KSR2: variants seen among roughly 807,000 people sequenced by gnomAD.
KSR2 encodes the protein kinase suppressor of ras 2.
A neutral mutation model predicts 107.8 loss-of-function variants in KSR2; 25 were observed. The observed-to-expected ratio is 0.23, with a 90% CI of 0.17 to 0.32. KSR2 has a LOEUF of 0.32. KSR2 is among the 10% of genes least tolerant of loss of function. KSR2 has a pLI of 1.00. For synonymous variants in KSR2, 480 were observed against 507.0 expected (o/e 0.95, Z 0.71); for missense variants, 887 against 1,268.9 (o/e 0.70, Z 4.57).
At chr12:117,769,724 T>C (rs766996619) in intron 3 of KSR2, among the ~76,000 whole-genome samples, 5 of 152,206 alleles carry the variant, frequency 3.3e-5, no homozygotes, top group Non-Finnish European at 5.9e-5. Flanking sequence ...TACAGTGCTT[T>C]TCATTTTGAG....
At chr12:117,524,468 C>T (rs1373535763) in intron 14 of KSR2, among the ~76,000 whole-genome samples, 2 of 152,080 alleles carry the variant, frequency 1.3e-5, no homozygotes, top group East Asian at 3.9e-4. Context: ...GAGTTTGAGA[C>T]CATCCTGGGC....
chr12:117,650,595 T>C (rs1177996762), intron 5 of KSR2, among the ~76,000 whole-genome samples: 1 of 152,200 alleles, frequency 6.6e-6, no homozygotes, highest in African/African-American at 2.4e-5. Flanking sequence ...AGAACACTGA[T>C]AGTCCTTGGC....
chr12:117,934,218 A>G (rs1216780112), intron 1 of KSR2, among the ~76,000 whole-genome samples: 2 of 152,140 alleles, frequency 1.3e-5, no homozygotes, highest in African/African-American at 2.4e-5. Context: ...TGTTTGGAGA[A>G]CATCCCTGCT....
intron 1 of KSR2, among the ~76,000 whole-genome samples, chr12:117,958,054 A>T (rs1269099165): frequency 6.6e-6 from 1 of 152,126 alleles, no homozygotes; most frequent in East Asian, 1.9e-4. Flanking sequence ...GCTGGTCTTG[A>T]ACTCCTGGCC....
At chr12:117,753,296 A>G (rs1056202970) in intron 4 of KSR2, among the ~76,000 whole-genome samples, 2 of 152,186 alleles carry the variant, frequency 1.3e-5, no homozygotes, top group Non-Finnish European at 2.9e-5. Flanking sequence ...CTGTTTACAT[A>G]CGGTGGCTCC....
At chr12:117,794,507 A>C (rs1593245524) in intron 3 of KSR2, among the ~76,000 whole-genome samples, 1 of 133,414 alleles carries the variant, frequency 7.5e-6, no homozygotes, top group Non-Finnish European at 1.6e-5. Context: ...TGCACACACA[A>C]CATGCACACA....
chr12:117,831,065 A>G (rs1891944999), intron 3 of KSR2, among the ~76,000 whole-genome samples: 1 of 152,138 alleles, frequency 6.6e-6, no homozygotes, highest in Admixed American at 6.5e-5. Flanking sequence ...AGCATGAAAA[A>G]TCCAAATACC....
chr12:117,761,565 G>T, intron 3 of KSR2, 41 bp from the exon 4 acceptor site: 1 of 1,604,480 alleles, frequency 6.2e-7, no homozygotes. Context: ...GGTAAGCCAT[G>T]AGAAAGCCAG....
intron 5 of KSR2, among the ~76,000 whole-genome samples, chr12:117,593,061 G>T (rs1194716353): frequency 1.3e-5 from 2 of 152,200 alleles, no homozygotes; most frequent in Non-Finnish European, 2.9e-5. Context: ...CTGGAAAGAG[G>T]AGAGCAGCCC....
chr12:117,947,123 G>A (rs927808094), intron 1 of KSR2, among the ~76,000 whole-genome samples: 5 of 150,664 alleles, frequency 3.3e-5, no homozygotes, highest in Non-Finnish European at 5.9e-5. Flanking sequence ...AGCCCAGATC[G>A]CACCACTATA....
Position 117,521,643 on chromosome 12 carries a change from G to T in KSR2, c.2219+3209C>A, listed in dbSNP as rs114797614. Among the ~76,000 whole-genome samples the T allele has an allele frequency of 5.4e-3, 815 of 152,296 alleles. 8 individuals are homozygous for T. The highest frequency in any genetic ancestry group is 0.019 in the African/African-American group (779 of 41,564). ...AAGGAAGCTAATCTTAGAAATACTT[G>T]TTAACTTCGATGATAATTACTAAGT... On this transcript the variant is annotated intron_variant, in intron 14 of 19. Coordinates refer to ENST00000339824, the MANE Select transcript of KSR2 (RefSeq NM_173598.6).
chr12:117,848,968 C>T (rs1892819995), intron 3 of KSR2, among the ~76,000 whole-genome samples: 1 of 152,154 alleles, frequency 6.6e-6, no homozygotes. Context: ...TCATCATCCC[C>T]ATCCTGCTGC....
intron 5 of KSR2, among the ~76,000 whole-genome samples, chr12:117,656,071 A>G (rs1884140810): frequency 1.3e-5 from 2 of 152,240 alleles, no homozygotes; most frequent in Non-Finnish European, 2.9e-5. Flanking sequence ...GTAGTCATCA[A>G]TACTAGCTAT....
At chr12:117,789,878 C>G (rs574387565) in intron 3 of KSR2, among the ~76,000 whole-genome samples, 1 of 152,344 alleles carries the variant, frequency 6.6e-6, no homozygotes, top group South Asian at 2.1e-4. Flanking sequence ...CTCATAAAGC[C>G]TGCAAAGTAT....
chr12:117,529,182 T>C (rs1456236252), intron 12 of KSR2, among the ~76,000 whole-genome samples: 2 of 152,162 alleles, frequency 1.3e-5, no homozygotes, highest in Non-Finnish European at 2.9e-5. Flanking sequence ...CAGGCTTCCA[T>C]CGCAACCAAA....
In KSR2 at chr12:117,469,801, T is replaced by C. The variant is rs1871329541; in HGVS notation, c.2713-6A>G. 1 of 1,613,632 alleles carries C rather than the reference T, an allele frequency of 6.2e-7. No homozygotes were observed. Among genetic ancestry groups the C allele is most frequent in the South Asian group, 1.1e-5 (1 of 90,952 alleles). The stretch of plus-strand genomic sequence containing the variant: ...CAGCAGAAGAGAAGAATGTCCTAAA[T>C]GAAACCAATGTGTGGTGATTACACA... On this transcript the variant is annotated splice_polypyrimidine_tract_variant and splice_region_variant and intron_variant, in intron 18 of 19. Coordinates refer to ENST00000339824, the MANE Select transcript of KSR2 (RefSeq NM_173598.6).
chr12:117,527,427 T>C (rs973245691), intron 12 of KSR2, among the ~76,000 whole-genome samples: 16 of 152,162 alleles, frequency 1.1e-4, no homozygotes, highest in Admixed American at 9.2e-4. Flanking sequence ...GGCTCATTTT[T>C]CTTCATTGCT....
intron 4 of KSR2, among the ~76,000 whole-genome samples, chr12:117,744,190 G>T (rs1888317748): frequency 1.3e-5 from 2 of 152,218 alleles, no homozygotes; most frequent in South Asian, 4.1e-4. Flanking sequence ...GCATGGCACT[G>T]GTCAACCTCT....
At chr12:117,909,997 G>A (rs1300374433) in intron 1 of KSR2, among the ~76,000 whole-genome samples, 2 of 152,126 alleles carry the variant, frequency 1.3e-5, no homozygotes, top group African/African-American at 4.8e-5. Flanking sequence ...GGAGGCTGAA[G>A]GAGGAGGAAC....
Sources: allele counts gnomAD v4.1 joint callset (sites outside exome capture counted in the v4.1 genomes callset), GRCh38; gene constraint gnomAD v4.1.1; transcripts MANE v1.5; gene names NCBI Gene and HGNC (gene_info 2026-07-23, HGNC 2026-07-21).